Variants in PDE8B observed in about 807,000 individuals in gnomAD.
The protein encoded by PDE8B is phosphodiesterase 8B.
PDE8B carries 26 observed loss-of-function variants against 101.3 expected under a neutral mutation model. That is an observed-to-expected ratio of 0.26 (90% CI 0.19 to 0.36). PDE8B has a LOEUF of 0.36. Ranked by LOEUF, PDE8B falls within the 10% of genes least tolerant of loss-of-function variation. The pLI is 1.00. For synonymous variants in PDE8B, 424 were observed against 429.3 expected (o/e 0.99, Z 0.15); for missense variants, 810 against 1,163.1 (o/e 0.70, Z 4.42).
intron 10 of PDE8B, among the ~76,000 whole-genome samples, chr5:77,399,878 GAAAC>G (rs759486204): frequency 3.3e-5 from 5 of 152,328 alleles, no homozygotes; most frequent in Middle Eastern, 3.4e-3. Flanking sequence ...TAACGTATCT[GAAAC>G]AAACAGGTTA....
At chr5:77,262,033 G>A (rs1215407821) in intron 1 of PDE8B, among the ~76,000 whole-genome samples, 1 of 152,062 alleles carries the variant, frequency 6.6e-6, no homozygotes, top group African/African-American at 2.4e-5. Context: ...TTTTTTTAAT[G>A]AGGATACTAA....
intron 7 of PDE8B, among the ~76,000 whole-genome samples, chr5:77,345,592 A>G (rs75973464): frequency 0.027 from 4,143 of 152,362 alleles, 74 homozygotes; most frequent in Non-Finnish European, 0.039. Context: ...GTTTACCTGC[A>G]GTGGGTATCC....
chr5:77,276,799 G>C (rs1763939409), intron 1 of PDE8B, among the ~76,000 whole-genome samples: 1 of 152,194 alleles, frequency 6.6e-6, no homozygotes, highest in Admixed American at 6.5e-5. Context: ...ATACATTACA[G>C]CACATCTCAG....
At chr5:77,233,479 A>G (rs1303505166) in intron 1 of PDE8B, among the ~76,000 whole-genome samples, 1 of 152,162 alleles carries the variant, frequency 6.6e-6, no homozygotes, top group Non-Finnish European at 1.5e-5. Flanking sequence ...GTAAGATATC[A>G]ATGGATGCTG....
At chr5:77,228,488 G>C (rs1205876951) in intron 1 of PDE8B, among the ~76,000 whole-genome samples, 1 of 152,080 alleles carries the variant, frequency 6.6e-6, no homozygotes, top group Non-Finnish European at 1.5e-5. Flanking sequence ...CTCCAATAAT[G>C]CAGTGTCTGG....
intron 1 of PDE8B, among the ~76,000 whole-genome samples, chr5:77,225,847 TGCACAC>T (rs1424244853): frequency 2.1e-5 from 2 of 94,348 alleles, no homozygotes; most frequent in Non-Finnish European, 4.2e-5. Context: ...CACATGCGCG[TGCACAC>T]ACACACACAC....
chr5:77,403,388 T>G (rs1281936428), intron 11 of PDE8B, among the ~76,000 whole-genome samples: 1 of 152,230 alleles, frequency 6.6e-6, no homozygotes, highest in Admixed American at 6.5e-5. Context: ...CATCATTTGA[T>G]GAAATCCATC....
Position 77,349,314 on chromosome 5 carries a change from T to C in PDE8B, c.877-105T>C, listed in dbSNP as rs911539607. ...ATGTTTGCCCTGGGAACTTCTTGCTTGATATTCCTCTGGGTCCCAACAAGT... is the reference window on the plus strand; with the variant it reads ...ATGTTTGCCCTGGGAACTTCTTGCTCGATATTCCTCTGGGTCCCAACAAGT... On this transcript the variant is annotated intron_variant, in intron 7 of 21. Transcript: ENST00000264917. The C allele has an allele frequency of 4.1e-6, 6 of 1,462,240 alleles. No individual in the cohort carries two copies. In the African/African-American group the frequency reaches 7.0e-5, roughly 17 times the overall value. 90.6% of individuals were successfully genotyped at this position (1,462,240 alleles called of 1,614,324 possible).
the PDE8B span, among the ~76,000 whole-genome samples, chr5:77,173,901 T>C: frequency 2.8e-4 from 43 of 152,204 alleles, no homozygotes; most frequent in Non-Finnish European, 8.8e-5. Flanking sequence ...TTGCAGTCTT[T>C]AAGGCATTTT....
intron 10 of PDE8B, among the ~76,000 whole-genome samples, chr5:77,363,008 A>C (rs1783415548): frequency 6.6e-6 from 1 of 152,224 alleles, no homozygotes; most frequent in Non-Finnish European, 1.5e-5. Flanking sequence ...GATGCTGCTG[A>C]ATGCACTTAG....
the PDE8B span, among the ~76,000 whole-genome samples, chr5:77,159,859 T>C: frequency 1.3e-5 from 2 of 152,236 alleles, no homozygotes; most frequent in African/African-American, 4.8e-5. Context: ...AGACTCTCAG[T>C]TGATTCTTGG....
At chr5:77,361,384 T>C (rs1466103854) in intron 10 of PDE8B, among the ~76,000 whole-genome samples, 1 of 152,178 alleles carries the variant, frequency 6.6e-6, no homozygotes, top group Non-Finnish European at 1.5e-5. Context: ...TCATTGTGAA[T>C]AACCCAAAAA....
chr5:77,407,262 T>G, intron 12 of PDE8B, 119 bp from the exon 13 acceptor site: 1 of 791,266 alleles, frequency 1.3e-6, no homozygotes, highest in East Asian at 2.5e-5. Flanking sequence ...ATTCATGGCT[T>G]TTTAGGTGGG....
At chr5:77,421,617 T>A (rs1305801439) in intron 19 of PDE8B, among the ~76,000 whole-genome samples, 1 of 152,170 alleles carries the variant, frequency 6.6e-6, no homozygotes, top group East Asian at 1.9e-4. Context: ...TTGCTGAGTG[T>A]CTTTTAAGAC....
chr5:77,288,588 A>G (rs1351809787), intron 1 of PDE8B, among the ~76,000 whole-genome samples: 1 of 152,190 alleles, frequency 6.6e-6, no homozygotes, highest in Non-Finnish European at 1.5e-5. Flanking sequence ...TATGAAATCT[A>G]TTTAAATAGG....
At chr5:77,135,218 C>T in the PDE8B span, among the ~76,000 whole-genome samples, 11 of 152,186 alleles carry the variant, frequency 7.2e-5, no homozygotes, top group Non-Finnish European at 1.5e-4. Context: ...GACTTTCTTT[C>T]CTCTCTTCTT....
At chr5:77,390,737 C>T (rs1410752121) in intron 10 of PDE8B, among the ~76,000 whole-genome samples, 1 of 152,186 alleles carries the variant, frequency 6.6e-6, no homozygotes, top group Non-Finnish European at 1.5e-5. Flanking sequence ...TTTCCTTGAC[C>T]CCAGTTTAAC....
intron 5 of PDE8B, among the ~76,000 whole-genome samples, chr5:77,332,187 A>G (rs1330896496): frequency 6.6e-6 from 1 of 152,216 alleles, no homozygotes; most frequent in Non-Finnish European, 1.5e-5. Flanking sequence ...GTTTAAAAGA[A>G]CTATATTCCC....
the PDE8B span, among the ~76,000 whole-genome samples, chr5:77,095,616 T>A: frequency 6.6e-6 from 1 of 152,202 alleles, no homozygotes; most frequent in Non-Finnish European, 1.5e-5. Flanking sequence ...TCCTTTTCAG[T>A]TAGGGCTCAA....
Sources: allele counts gnomAD v4.1 joint callset (sites outside exome capture counted in the v4.1 genomes callset), GRCh38; gene constraint gnomAD v4.1.1; transcripts MANE v1.5; gene names NCBI Gene and HGNC (gene_info 2026-07-23, HGNC 2026-07-21).